DPYD: variants seen among roughly 807,000 people sequenced by gnomAD.
DPYD encodes dihydropyrimidine dehydrogenase.
Under a neutral mutation model 116.2 loss-of-function variants are expected in DPYD, and 109 were observed. That is an observed-to-expected ratio of 0.94 (90% CI 0.80 to 1.10). The LOEUF is 1.10. Among genes scored for constraint, DPYD ranks in the 50% least tolerant of loss-of-function variants. The pLI is 0.00. For missense variants in DPYD, 1,302 were observed against 1,254.5 expected, an observed-to-expected ratio of 1.04 and a Z score of -0.57; for synonymous variants, 440 against 432.0, an observed-to-expected ratio of 1.02 and a Z score of -0.23.
intron 3 of DPYD, among the ~76,000 whole-genome samples, chr1:97,758,945 C>T (rs1665414773): frequency 6.6e-6 from 1 of 152,182 alleles, no homozygotes; most frequent in African/African-American, 2.4e-5. Context: ...ATCTTTCTAA[C>T]ATTCTCCATT....
At chr1:97,541,940 G>A (rs760731980) in intron 12 of DPYD, among the ~76,000 whole-genome samples, 21 of 152,110 alleles carry the variant, frequency 1.4e-4, no homozygotes, top group Non-Finnish European at 2.8e-4. Context: ...CAATTAAGGT[G>A]AAGTCATATT....
At chr1:97,654,030 T>A (rs530750548) in intron 8 of DPYD, among the ~76,000 whole-genome samples, 1 of 152,280 alleles carries the variant, frequency 6.6e-6, no homozygotes, top group South Asian at 2.1e-4. Context: ...GCACAATAAC[T>A]TATCAAGGTG....
chr1:97,704,750 C>T (rs920655436), intron 5 of DPYD, among the ~76,000 whole-genome samples: 4 of 151,800 alleles, frequency 2.6e-5, no homozygotes, highest in East Asian at 1.9e-4. Flanking sequence ...GAGAAAGACC[C>T]CTCTTTTTTT....
chr1:97,536,353 C>T (rs1649996442), intron 12 of DPYD, among the ~76,000 whole-genome samples: 1 of 152,150 alleles, frequency 6.6e-6, no homozygotes, highest in Admixed American at 6.5e-5. Context: ...TGATTTATAT[C>T]AATCTTCTCT....
intron 2 of DPYD, among the ~76,000 whole-genome samples, chr1:97,863,557 T>A (rs1671226515): frequency 6.6e-6 from 1 of 151,806 alleles, no homozygotes; most frequent in African/African-American, 2.4e-5. Flanking sequence ...TACATATGTA[T>A]ATTATAGAAT....
At position 97,849,105 on chromosome 1, in the gene DPYD, C is replaced by T. The variant is rs141305139; in HGVS notation, c.151-20909G>A. 4.2e-3 allele frequency among the ~76,000 whole-genome samples: 637 copies of T among 152,114 alleles called. 3 individuals carry two copies. Among genetic ancestry groups the T allele is most frequent in the Non-Finnish European group, 6.1e-3 (417 of 67,972 alleles). ...TCTAGAGCATTAGATAACCAAATTA[C>T]CATATTATTGTGATACTGAAGTCAC... On this transcript the variant is annotated intron_variant, in intron 2 of 22. Transcript: ENST00000370192.
rs11801171 is a variant in DPYD at position 97,618,813 on chromosome 1, G to T, written c.851-23647C>A. The stretch of plus-strand genomic sequence containing the variant: ...CAGTTTCAACCAAGCCACCATCACA[G>T]ATTAATGAAGGGCACGGGGTTCCTT... On this transcript the variant is annotated intron_variant, in intron 8 of 22. Coordinates refer to ENST00000370192, the MANE Select transcript of DPYD (RefSeq NM_000110.4). Among the ~76,000 whole-genome samples the T allele has an allele frequency of 3.5e-3, 540 of 152,232 alleles. 3 individuals are homozygous for T. The highest frequency in any genetic ancestry group is 0.013 in the African/African-American group (525 of 41,558).
At chr1:97,631,570 T>C (rs1049685923) in intron 8 of DPYD, among the ~76,000 whole-genome samples, 2 of 151,796 alleles carry the variant, frequency 1.3e-5, no homozygotes, top group Non-Finnish European at 2.9e-5. Flanking sequence ...AAAAAAGAGA[T>C]GGACAAAAGA....
At chr1:97,684,510 G>C (rs1386152043) in intron 7 of DPYD, among the ~76,000 whole-genome samples, 1 of 151,506 alleles carries the variant, frequency 6.6e-6, no homozygotes, top group Non-Finnish European at 1.5e-5. Context: ...GAAGGAGATA[G>C]AGACACGAAA....
At chr1:97,093,678 T>G (rs1360784662) in intron 21 of DPYD, among the ~76,000 whole-genome samples, 2 of 152,188 alleles carry the variant, frequency 1.3e-5, no homozygotes, top group East Asian at 3.9e-4. Context: ...AGTAGTCCCA[T>G]GCCTAATTCA....
chr1:97,527,375 C>G (rs1649226471), intron 12 of DPYD, among the ~76,000 whole-genome samples: 1 of 152,132 alleles, frequency 6.6e-6, no homozygotes, highest in African/African-American at 2.4e-5. Context: ...CCATGCCCAG[C>G]TGCTGCCCCC....
chr1:97,603,146 C>T (rs1004581095), intron 8 of DPYD, among the ~76,000 whole-genome samples: 1 of 151,978 alleles, frequency 6.6e-6, no homozygotes, highest in Admixed American at 6.6e-5. Flanking sequence ...AAGCAAAAAT[C>T]TCAAACAATA....
intron 4 of DPYD, among the ~76,000 whole-genome samples, chr1:97,732,473 C>CA (rs751262032): frequency 0.077 from 4,231 of 54,672 alleles, 98 homozygotes; most frequent in African/African-American, 0.092. Flanking sequence ...GACTCCATCT[C>CA]AAAAAAAAAA....
At chr1:97,275,912 G>T (rs926433201) in intron 18 of DPYD, among the ~76,000 whole-genome samples, 2 of 151,978 alleles carry the variant, frequency 1.3e-5, no homozygotes, top group Non-Finnish European at 2.9e-5. Flanking sequence ...AGCTTCTTTT[G>T]CTGGATCTTC....
At chr1:97,660,735 C>T (rs1188385417) in intron 8 of DPYD, among the ~76,000 whole-genome samples, 1 of 152,172 alleles carries the variant, frequency 6.6e-6, no homozygotes, top group Non-Finnish European at 1.5e-5. Context: ...AGTGAACTCA[C>T]TTGGCTGACA....
At chr1:97,682,685 T>C (rs1316616236) in intron 7 of DPYD, among the ~76,000 whole-genome samples, 2 of 152,156 alleles carry the variant, frequency 1.3e-5, no homozygotes, top group Admixed American at 1.3e-4. Context: ...TTGTTAAATA[T>C]ATATGATGCT....
intron 8 of DPYD, among the ~76,000 whole-genome samples, chr1:97,601,790 C>T (rs1173194161): frequency 6.6e-6 from 1 of 151,876 alleles, no homozygotes; most frequent in African/African-American, 2.4e-5. Context: ...CGATGTGCTG[C>T]TGTAAATGCG....
chr1:97,447,057 T>C (rs1676126632), intron 14 of DPYD, among the ~76,000 whole-genome samples: 1 of 152,204 alleles, frequency 6.6e-6, no homozygotes, highest in African/African-American at 2.4e-5. Flanking sequence ...GAGGTCTCTC[T>C]GCCTTTACAT....
chr1:97,542,337 C>T (rs560240106), intron 12 of DPYD, among the ~76,000 whole-genome samples: 26 of 152,242 alleles, frequency 1.7e-4, no homozygotes, highest in African/African-American at 6.3e-4. Context: ...GTACTCCCTC[C>T]TCTGTATAGA....
Sources: gnomAD v4.1 joint callset for allele counts (sites outside exome capture counted in the v4.1 genomes callset) on GRCh38, gnomAD v4.1.1 for gene constraint, MANE v1.5 for transcripts, NCBI Gene and HGNC (gene_info 2026-07-23, HGNC 2026-07-21) for gene names.